The following FBXW7 variants were observed in gnomAD, a reference collection of about 807,000 sequenced individuals.
The protein encoded by FBXW7 is F-box/WD repeat-containing protein 7.
In FBXW7, 11 loss-of-function variants were observed where a neutral mutation model predicts 86.3. That is an observed-to-expected ratio of 0.13 (90% CI 0.08 to 0.21). FBXW7 has a LOEUF of 0.21. FBXW7 is among the 10% of genes least tolerant of loss of function. The pLI, the probability that FBXW7 is intolerant of heterozygous loss-of-function variation, is 1.00. For missense variants in FBXW7, 488 were observed against 847.4 expected (o/e 0.58, Z 5.27); for synonymous variants, 313 against 297.9 (o/e 1.05, Z -0.52).
chr4:152,511,719 T>C (rs1747995448), intron 2 of FBXW7, among the ~76,000 whole-genome samples: 2 of 152,298 alleles, frequency 1.3e-5, no homozygotes, highest in Non-Finnish European at 2.9e-5. Flanking sequence ...GTTCTCAGTA[T>C]GCTAATATTA....
intron 2 of FBXW7, among the ~76,000 whole-genome samples, chr4:152,481,623 C>T (rs1744883630): frequency 2.6e-5 from 4 of 152,300 alleles, no homozygotes; most frequent in African/African-American, 9.6e-5. Context: ...CAAAAACATT[C>T]ATTATTCATG....
intron 6 of FBXW7, 168 bp downstream of exon 6, chr4:152,346,762 T>C (rs1267611898): frequency 1.2e-6 from 1 of 821,104 alleles, no homozygotes; most frequent in Admixed American, 3.0e-5. Context: ...ATAAAGAGAA[T>C]CAACATGTGG....
chr4:152,335,080 G>A (rs1729936781), intron 7 of FBXW7, among the ~76,000 whole-genome samples: 1 of 152,162 alleles, frequency 6.6e-6, no homozygotes, highest in Admixed American at 6.6e-5. Context: ...GTATTATGAG[G>A]AGGAAGTATA....
intron 2 of FBXW7, among the ~76,000 whole-genome samples, chr4:152,500,175 T>G (rs932712677): frequency 2.6e-5 from 4 of 152,162 alleles, no homozygotes; most frequent in African/African-American, 9.7e-5. Flanking sequence ...GGAGAGGGAA[T>G]AGGGGAGGTA....
rs532505641 is a variant in FBXW7, at chr4:152,393,859, G to A, written c.501+17444C>T. Among the ~76,000 whole-genome samples the A allele has an allele frequency of 2.6e-5, 4 of 152,170 alleles. No individual in the cohort carries two copies. The South Asian group carries it at 6.2e-4, about 24-fold the overall frequency. ...ACCAACTGACAGAAGGACAAGGTAC[G>A]TTTGAATAAAACAGACCCTTTTCTG... is the stretch of plus-strand genomic sequence containing the variant. On this transcript the variant is annotated intron_variant, in intron 4 of 13. Transcript: ENST00000281708.
chr4:152,525,875 C>T (rs1407848801), intron 2 of FBXW7, among the ~76,000 whole-genome samples: 1 of 152,148 alleles, frequency 6.6e-6, no homozygotes, highest in African/African-American at 2.4e-5. Flanking sequence ...TTTAAGGAAT[C>T]GCGATACTGA....
chr4:152,432,494 A>G (rs2126953889), intron 2 of FBXW7, among the ~76,000 whole-genome samples: 1 of 152,334 alleles, frequency 6.6e-6, no homozygotes, highest in Middle Eastern at 3.4e-3. Context: ...ATCTATATAT[A>G]CAACACCTTA....
chr4:152,436,962 T>C (rs1740437707), intron 2 of FBXW7, among the ~76,000 whole-genome samples: 1 of 152,194 alleles, frequency 6.6e-6, no homozygotes, highest in Admixed American at 6.5e-5. Context: ...ATTCATGTTG[T>C]TTTCATGCCT....
At chr4:152,439,865 C>CAAAAAAAA (rs35657415) in intron 2 of FBXW7, among the ~76,000 whole-genome samples, 1 of 57,156 alleles carries the variant, frequency 1.7e-5, no homozygotes, top group Admixed American at 1.6e-4. Flanking sequence ...GACTCCGTCA[C>CAAAAAAAA]AAAAAAAAAA....
At chr4:152,521,409 T>C (rs1749000146) in intron 2 of FBXW7, among the ~76,000 whole-genome samples, 1 of 152,088 alleles carries the variant, frequency 6.6e-6, no homozygotes, top group South Asian at 2.1e-4. Context: ...CATGAAAGAA[T>C]ATACATGTAC....
chr4:152,475,806 T>C (rs923411269), intron 2 of FBXW7, among the ~76,000 whole-genome samples: 2 of 152,178 alleles, frequency 1.3e-5, no homozygotes, highest in Admixed American at 1.3e-4. Flanking sequence ...AGGATCTGCA[T>C]GCTGAAAACT....
chr4:152,328,132 T>C (rs550502107), intron 11 of FBXW7, 76 bp downstream of exon 11: 10 of 1,169,088 alleles, frequency 8.6e-6, no homozygotes, highest in Non-Finnish European at 1.2e-5. Context: ...ACTATTTCAG[T>C]AACTCTACAC....
rs144830304 is a variant in FBXW7 at position 152,487,466 on chromosome 4, G to T, written c.-120+47475C>A. Among the ~76,000 whole-genome samples the T allele has an allele frequency of 6.5e-3, 993 of 151,944 alleles. 26 individuals carry two copies. Among genetic ancestry groups the T allele is most frequent in the Admixed American group, 0.056 (848 of 15,246 alleles). The stretch of plus-strand genomic sequence containing the variant: ...TGTAAATAAACACTGAGTGAAAAAA[G>T]CAAGTTAAAAAGTTATGCCAACAGT... On this transcript the variant is annotated intron_variant, in intron 2 of 13. Transcript: ENST00000281708.
At chr4:152,526,971 T>A (rs1477621224) in intron 2 of FBXW7, among the ~76,000 whole-genome samples, 1 of 152,254 alleles carries the variant, frequency 6.6e-6, no homozygotes, top group East Asian at 1.9e-4. Flanking sequence ...AACTCAAGTG[T>A]TGAATTTAAA....
intron 2 of FBXW7, among the ~76,000 whole-genome samples, chr4:152,461,204 G>T (rs1421723567): frequency 1.3e-5 from 2 of 152,126 alleles, no homozygotes; most frequent in African/African-American, 4.8e-5. Flanking sequence ...GGTGAGCCGA[G>T]ATCGCACCAC....
chr4:152,500,621 C>T (rs888220527), intron 2 of FBXW7, among the ~76,000 whole-genome samples: 1 of 151,294 alleles, frequency 6.6e-6, no homozygotes, highest in Non-Finnish European at 1.5e-5. Flanking sequence ...ACATGAGTAT[C>T]GTGGGAAGGG....
At chr4:152,488,623 A>C (rs1745562399) in intron 2 of FBXW7, among the ~76,000 whole-genome samples, 1 of 152,212 alleles carries the variant, frequency 6.6e-6, no homozygotes, top group South Asian at 2.1e-4. Flanking sequence ...TATCATTCAA[A>C]AATTCAATCT....
intron 2 of FBXW7, among the ~76,000 whole-genome samples, chr4:152,489,061 C>T (rs549575814): frequency 6.6e-6 from 1 of 152,048 alleles, no homozygotes; most frequent in African/African-American, 2.4e-5. Context: ...ACTTTTGAGG[C>T]TAAATAGAGA....
chr4:152,446,364 A>G (rs1741400088), intron 2 of FBXW7, among the ~76,000 whole-genome samples: 1 of 144,964 alleles, frequency 6.9e-6, no homozygotes, highest in African/African-American at 2.6e-5. Context: ...AACATCACCT[A>G]CAACTTGATT....
Sources: gnomAD v4.1 joint callset for allele counts (sites outside exome capture counted in the v4.1 genomes callset) on GRCh38, gnomAD v4.1.1 for gene constraint, MANE v1.5 for transcripts, NCBI Gene and HGNC (gene_info 2026-07-23, HGNC 2026-07-21) for gene names.